Variants in FAM107B observed in about 807,000 individuals in gnomAD.
The protein encoded by FAM107B is protein FAM107B.
Under a neutral mutation model 31.5 loss-of-function variants are expected in FAM107B, and 21 were observed. The observed-to-expected ratio is 0.67, with a 90% CI of 0.47 to 0.96. The LOEUF is 0.96. Ranked by LOEUF, FAM107B falls within the 40% of genes least tolerant of loss-of-function variation. FAM107B has a pLI of 0.00. For synonymous variants in FAM107B, 157 were observed against 141.5 expected (o/e 1.11, Z -0.78); for missense variants, 452 against 377.1 (o/e 1.20, Z -1.64).
At chr10:14,521,758 C>G in intron 4 of FAM107B, 111 bp downstream of exon 4, 1 of 1,428,770 alleles carries the variant, frequency 7.0e-7, no homozygotes, top group Non-Finnish European at 9.4e-7. Context: ...ATATTTCTTT[C>G]ATGGTATAAA....
intron 2 of FAM107B, among the ~76,000 whole-genome samples, chr10:14,629,338 ATG>A (rs1380992416): frequency 0.01 from 893 of 88,940 alleles, no homozygotes; most frequent in Non-Finnish European, 0.014. Context: ...ATATAAATAT[ATG>A]TAATTTATAT....
At chr10:14,670,932 G>C (rs1854524602) in intron 1 of FAM107B, among the ~76,000 whole-genome samples, 1 of 152,188 alleles carries the variant, frequency 6.6e-6, no homozygotes, top group Non-Finnish European at 1.5e-5. Flanking sequence ...TGCTGAATGC[G>C]TTCGTAGTGG....
chr10:14,531,241 C>T (rs944360571), intron 2 of FAM107B, among the ~76,000 whole-genome samples: 3 of 152,178 alleles, frequency 2.0e-5, no homozygotes, highest in Non-Finnish European at 4.4e-5. Flanking sequence ...AATACAAGGC[C>T]GAGCAAGGTG....
At chr10:14,769,548 C>A (rs754268056) in intron 1 of FAM107B, among the ~76,000 whole-genome samples, 3 of 152,114 alleles carry the variant, frequency 2.0e-5, no homozygotes, top group African/African-American at 4.8e-5. Context: ...CCACGACCAG[C>A]TAATTTTTTG....
intron 2 of FAM107B, among the ~76,000 whole-genome samples, chr10:14,599,179 C>A (rs1487589370): frequency 2.0e-5 from 3 of 152,142 alleles, no homozygotes; most frequent in Admixed American, 6.5e-5. Context: ...CTTGTTTCTA[C>A]GGGAGACTTG....
intron 2 of FAM107B, among the ~76,000 whole-genome samples, chr10:14,627,265 A>G (rs562763558): frequency 6.6e-5 from 10 of 152,354 alleles, no homozygotes; most frequent in African/African-American, 2.2e-4. Flanking sequence ...ACCAAAACAT[A>G]CTTTCGTCAC....
chr10:14,685,821 T>G (rs1854970218), intron 1 of FAM107B, among the ~76,000 whole-genome samples: 2 of 152,146 alleles, frequency 1.3e-5, no homozygotes, highest in African/African-American at 4.8e-5. Context: ...GACTGAGTGA[T>G]TTATAAAGGA....
intron 1 of FAM107B, among the ~76,000 whole-genome samples, chr10:14,669,595 T>C (rs1351890223): frequency 6.6e-6 from 1 of 152,208 alleles, no homozygotes; most frequent in African/African-American, 2.4e-5. Context: ...CTCTGTCATT[T>C]GCAGCAACAT....
At chr10:14,658,205 A>G (rs1459456629) in intron 2 of FAM107B, among the ~76,000 whole-genome samples, 1 of 152,252 alleles carries the variant, frequency 6.6e-6, no homozygotes, top group African/African-American at 2.4e-5. Flanking sequence ...AGACTAAAAT[A>G]CAAGCTATGA....
chr10:14,769,313 C>T (rs917515917), intron 1 of FAM107B, among the ~76,000 whole-genome samples: 14 of 152,174 alleles, frequency 9.2e-5, no homozygotes, highest in African/African-American at 3.4e-4. Context: ...CCAACCTGTT[C>T]CAAAAATCAA....
At position 14,518,944 on chromosome 10, in the gene FAM107B, G is replaced by A. The variant is rs1170408192; in HGVS notation, c.*2246C>T. 3.3e-5 allele frequency: 5 copies of A among 152,614 alleles called. No homozygotes were observed. Among genetic ancestry groups the A allele is most frequent in the Admixed American group, 3.3e-4 (5 of 15,274 alleles). The allele number at this position is 152,614 out of a possible 1,614,324, so 9.5% of individuals were successfully genotyped here. A position where few individuals can be genotyped will look rare whatever the true frequency, so the allele number is the denominator to read the frequency against. On this transcript the variant is annotated 3_prime_UTR_variant, in exon 5 of 5. Coordinates refer to ENST00000181796, the MANE Select transcript of FAM107B (RefSeq NM_031453.4). ...AGTTTGGGCTGCACAGTATTAAGGG[G>A]TGAGAGGAGACCGACAGCCTGTTTG...
intron 2 of FAM107B, among the ~76,000 whole-genome samples, chr10:14,565,758 G>C (rs1850611654): frequency 6.6e-6 from 1 of 152,184 alleles, no homozygotes; most frequent in African/African-American, 2.4e-5. Context: ...AAAGGGGTGG[G>C]GAGAGGAAGG....
chr10:14,609,288 G>C (rs944766313), intron 2 of FAM107B, among the ~76,000 whole-genome samples: 5 of 152,242 alleles, frequency 3.3e-5, no homozygotes, highest in Non-Finnish European at 7.4e-5. Context: ...GGCATGACTG[G>C]GGTCTATGCT....
chr10:14,646,031 G>T (rs1346213512), intron 2 of FAM107B, among the ~76,000 whole-genome samples: 2 of 151,972 alleles, frequency 1.3e-5, no homozygotes, highest in Non-Finnish European at 2.9e-5. Context: ...ACTCTGCAAG[G>T]TTGGTTACTC....
intron 2 of FAM107B, among the ~76,000 whole-genome samples, chr10:14,631,034 A>G (rs760085073): frequency 2.4e-4 from 36 of 152,204 alleles, no homozygotes; most frequent in Non-Finnish European, 4.4e-4. Flanking sequence ...ATGAATGAAA[A>G]GCAAACAGGC....
chr10:14,712,528 A>AGG (rs140472098), intron 1 of FAM107B, among the ~76,000 whole-genome samples: 19,110 of 151,454 alleles, frequency 0.13, 1,542 homozygotes, highest in African/African-American at 0.23. Flanking sequence ...CGGGAGGCAG[A>AGG]GGTTGCAGTG....
At chr10:14,652,314 C>A (rs773631184) in intron 2 of FAM107B, among the ~76,000 whole-genome samples, 5 of 152,196 alleles carry the variant, frequency 3.3e-5, no homozygotes, top group Non-Finnish European at 4.4e-5. Context: ...GATCCCAGAT[C>A]CCTGCTGATA....
chr10:14,761,835 G>T (rs1833054464), intron 1 of FAM107B, among the ~76,000 whole-genome samples: 1 of 152,132 alleles, frequency 6.6e-6, no homozygotes, highest in Non-Finnish European at 1.5e-5. Context: ...CTGGCCTCAA[G>T]TGATCCGCCC....
At chr10:14,556,489 C>A in intron 2 of FAM107B, 1 of 869,846 alleles carries the variant, frequency 1.1e-6, no homozygotes, top group Non-Finnish European at 1.4e-6. Flanking sequence ...AAGCCCCGAC[C>A]TAACGAGAGC....
Sources: gnomAD v4.1 joint callset for allele counts (sites outside exome capture counted in the v4.1 genomes callset) on GRCh38, gnomAD v4.1.1 for gene constraint, MANE v1.5 for transcripts, NCBI Gene and HGNC (gene_info 2026-07-23, HGNC 2026-07-21) for gene names.